SYT16: variants seen among roughly 807,000 people sequenced by gnomAD.
SYT16 encodes the protein synaptotagmin-16.
Under a neutral mutation model 61.4 loss-of-function variants are expected in SYT16, and 42 were observed. The ratio of observed to expected loss-of-function variants is 0.68; its 90% CI spans 0.53 to 0.89. The LOEUF (loss-of-function observed/expected upper bound fraction) is 0.89. SYT16 is among the 40% of genes least tolerant of loss of function. SYT16 has a pLI of 0.00. For synonymous variants in SYT16, 314 were observed against 302.3 expected, an observed-to-expected ratio of 1.04 and a Z score of -0.40; for missense variants, 804 against 807.3, an observed-to-expected ratio of 1.00 and a Z score of 0.05.
chr14:61,928,693 T>A (rs899512879), intron 1 of SYT16, among the ~76,000 whole-genome samples: 2 of 152,160 alleles, frequency 1.3e-5, no homozygotes, highest in East Asian at 3.9e-4. Flanking sequence ...GGGGCTTAAG[T>A]CTGTAGATAT....
Position 61,866,846 on chromosome 14 carries a change from A to G in SYT16, c.-325+54036A>G, listed in dbSNP as rs367910242. ...AATCTTTGCCTAATCCAAAGTCAAA[A>G]GAATTTTCTCCAATGTTTTTTCCTA... On this transcript the variant is annotated intron_variant, in intron 1 of 7. Coordinates refer to ENST00000683842, the MANE Select transcript of SYT16 (RefSeq NM_001367656.1). Among the ~76,000 whole-genome samples, 104 of 152,196 alleles carry G rather than the reference A, an allele frequency of 6.8e-4. 3 individuals are homozygous for G. In the South Asian group the frequency reaches 0.021, roughly 31 times the overall value.
At chr14:62,011,277 A>G (rs35090085) in intron 3 of SYT16, among the ~76,000 whole-genome samples, 22,618 of 152,090 alleles carry the variant, frequency 0.15, 2,216 homozygotes, top group South Asian at 0.29. Context: ...TCCAGTTTCT[A>G]ATCTCTACTT....
intron 1 of SYT16, among the ~76,000 whole-genome samples, chr14:61,943,749 A>AT (rs2050306362): frequency 6.6e-6 from 1 of 152,226 alleles, no homozygotes; most frequent in African/African-American, 2.4e-5. Flanking sequence ...AATAAGAGCT[A>AT]TTTACGACAA....
intron 1 of SYT16, among the ~76,000 whole-genome samples, chr14:61,918,104 A>G (rs536287463): frequency 6.6e-6 from 1 of 152,304 alleles, no homozygotes; most frequent in African/African-American, 2.4e-5. Context: ...TGCATAAGGA[A>G]TCATAAGGTA....
chr14:62,069,704 C>G lies in SYT16; in HGVS notation c.625C>G (p.Arg209Gly). 6.2e-7 allele frequency: 1 copy of G among 1,613,968 alleles called. No homozygotes were observed. Among genetic ancestry groups the G allele is most frequent in the Non-Finnish European group, 8.5e-7 (1 of 1,179,882 alleles). ...TTCCGTGTCCCGGTCCCAGAGTTTCCGTTCAGTGACATCTGAGAAAGGAAA... is the reference window on the plus strand; with the variant it reads ...TTCCGTGTCCCGGTCCCAGAGTTTCGGTTCAGTGACATCTGAGAAAGGAAA... ...EISVSRSQSFRSVTSEKGKQT... is the reference protein window; with the variant it reads ...EISVSRSQSFGSVTSEKGKQT... The change falls in exon 4 of 8, where the codon CGT becomes GGT. Residue 209 changes from arginine to glycine, a missense_variant. By Grantham distance (125) the Arg-to-Gly change is moderately radical (BLOSUM62 -2). Transcript: ENST00000683842.
chr14:62,100,231 T>C lies in SYT16; in HGVS notation c.1625-163T>C, dbSNP rs10138867. 2.9e-3 allele frequency among the ~76,000 whole-genome samples: 436 copies of C among 152,300 alleles called. 7 individuals are homozygous for C. The highest frequency in any genetic ancestry group is 9.8e-3 in the African/African-American group (409 of 41,566). On this transcript the variant is annotated intron_variant, in intron 7 of 7. Coordinates refer to ENST00000683842, the MANE Select transcript of SYT16 (RefSeq NM_001367656.1). ...AATAATTCCCTTCCTTAATAATTCA[T>C]GCAAGATGTGTTGCCCAACAGCAAG...
In SYT16 at chr14:62,111,225, T is replaced by C. The variant is rs1301427244; in HGVS notation, c.*10518T>C. The C allele has an allele frequency of 6.6e-6, 1 of 152,068 alleles. No individual in the cohort carries two copies. The highest frequency in any genetic ancestry group is 1.5e-5 in the Non-Finnish European group (1 of 67,958). 9.4% of individuals were successfully genotyped at this position (152,068 alleles called of 1,614,324 possible). On this transcript the variant is annotated 3_prime_UTR_variant, in exon 8 of 8. Transcript: ENST00000683842. ...TTGGTTTTCCTTTATATCTCAACTT[T>C]TGATGGGTGTCCTTGAAGAACTTTC...
chr14:62,073,006 CTTTAA>C (rs2056356435), intron 4 of SYT16, among the ~76,000 whole-genome samples: 1 of 152,124 alleles, frequency 6.6e-6, no homozygotes, highest in Non-Finnish European at 1.5e-5. Flanking sequence ...TCATGATCTT[CTTTAA>C]TTTAAAGGCA....
In SYT16 at chr14:61,839,294, C is replaced by T. The variant is rs1013055058; in HGVS notation, c.-325+26484C>T. On this transcript the variant is annotated intron_variant, in intron 1 of 7. Transcript: ENST00000683842. Reference sequence around the variant, plus strand: ...GGGAGTGGATTCATGCTCTGCTGTTCTTCTGCCATGTGAGGACACATCAAG... The same window carrying T: ...GGGAGTGGATTCATGCTCTGCTGTTTTTCTGCCATGTGAGGACACATCAAG... Among the ~76,000 whole-genome samples the T allele has an allele frequency of 2.6e-5, 4 of 152,218 alleles. No homozygotes were observed. The South Asian group carries it at 6.2e-4, about 24-fold the overall frequency.
intron 2 of SYT16, among the ~76,000 whole-genome samples, chr14:61,991,946 G>T (rs1486465754): frequency 8.3e-6 from 1 of 120,268 alleles, no homozygotes; most frequent in Non-Finnish European, 1.7e-5. Flanking sequence ...TAATAACTTT[G>T]TTCGTTCATT....
intron 1 of SYT16, among the ~76,000 whole-genome samples, chr14:61,878,389 T>C (rs2047576558): frequency 6.6e-6 from 1 of 152,220 alleles, no homozygotes; most frequent in Non-Finnish European, 1.5e-5. Flanking sequence ...AGCTGAGAAG[T>C]AGACTTGTTA....
At chr14:62,004,497 A>G (rs1595132146) in intron 3 of SYT16, among the ~76,000 whole-genome samples, 1 of 152,148 alleles carries the variant, frequency 6.6e-6, no homozygotes, top group African/African-American at 2.4e-5. Context: ...AAAGATCTTA[A>G]TCAAGGGTAG....
At chr14:61,870,189 T>C (rs569306036) in intron 1 of SYT16, among the ~76,000 whole-genome samples, 1 of 152,326 alleles carries the variant, frequency 6.6e-6, no homozygotes, top group South Asian at 2.1e-4. Context: ...AGATTTTGCA[T>C]GTCTGAAAAA....
At chr14:61,918,407 G>T (rs188219346) in intron 1 of SYT16, among the ~76,000 whole-genome samples, 2 of 152,094 alleles carry the variant, frequency 1.3e-5, no homozygotes, top group African/African-American at 4.8e-5. Context: ...GGTGATGGCT[G>T]CAAACACCTG....
chr14:61,992,830 A>G (rs1010627115), intron 2 of SYT16, among the ~76,000 whole-genome samples: 45 of 152,216 alleles, frequency 3.0e-4, no homozygotes, highest in African/African-American at 9.1e-4. Flanking sequence ...ATTCAAATTA[A>G]TTTTTAAAAA....
chr14:62,063,435 T>C (rs2055916320), intron 3 of SYT16, among the ~76,000 whole-genome samples: 1 of 152,240 alleles, frequency 6.6e-6, no homozygotes, highest in Admixed American at 6.5e-5. Context: ...TTATCTCATT[T>C]AGTCTTCTCA....
At chr14:62,059,073 G>A (rs2055698727) in intron 3 of SYT16, among the ~76,000 whole-genome samples, 2 of 152,118 alleles carry the variant, frequency 1.3e-5, no homozygotes, top group Non-Finnish European at 2.9e-5. Context: ...CCTTTGGGAA[G>A]GTGGAGGGTG....
intron 2 of SYT16, among the ~76,000 whole-genome samples, chr14:61,980,032 C>A (rs2052003736): frequency 6.6e-6 from 1 of 152,170 alleles, no homozygotes; most frequent in Non-Finnish European, 1.5e-5. Context: ...TCCCCAAGCC[C>A]TCCACTTTTA....
At chr14:61,820,453 A>AG (rs2045576933) in intron 1 of SYT16, among the ~76,000 whole-genome samples, 1 of 125,870 alleles carries the variant, frequency 7.9e-6, no homozygotes, top group South Asian at 2.9e-4. Context: ...GATATGCTTC[A>AG]GGGCACCTCT....
Sources: allele counts gnomAD v4.1 joint callset (sites outside exome capture counted in the v4.1 genomes callset), GRCh38; gene constraint gnomAD v4.1.1; transcripts MANE v1.5; gene names NCBI Gene and HGNC (gene_info 2026-07-23, HGNC 2026-07-21).